Variants in ZNF804B observed in about 807,000 individuals in gnomAD.
The protein encoded by ZNF804B is zinc finger 804B.
Under a neutral mutation model 101.4 loss-of-function variants are expected in ZNF804B, and 80 were observed. The ratio of observed to expected loss-of-function variants is 0.79; its 90% confidence interval spans 0.66 to 0.95. The LOEUF is 0.95. ZNF804B is among the 40% of genes least tolerant of loss of function. ZNF804B has a pLI of 0.00. For synonymous variants in ZNF804B, 622 were observed against 558.8 expected (o/e 1.11, Z -1.59); for missense variants, 1,673 against 1,561.9 (o/e 1.07, Z -1.20).
chr7:89,190,062 C>T (rs76253415), intron 1 of ZNF804B, among the ~76,000 whole-genome samples: 2,241 of 152,068 alleles, frequency 0.015, 57 homozygotes, highest in African/African-American at 0.051. Flanking sequence ...TTGTTTCCAG[C>T]CCTCATAAAC....
chr7:88,899,041 A>G (rs1792350427), intron 1 of ZNF804B, among the ~76,000 whole-genome samples: 1 of 152,022 alleles, frequency 6.6e-6, no homozygotes, highest in Admixed American at 6.6e-5. Context: ...CCCATCCCCA[A>G]TTTTTGGTGA....
chr7:89,002,025 G>T (rs1490435861), intron 1 of ZNF804B, among the ~76,000 whole-genome samples: 1 of 151,234 alleles, frequency 6.6e-6, no homozygotes, highest in African/African-American at 2.4e-5. Context: ...AATCATAAAT[G>T]CCCAACTCAT....
intron 2 of ZNF804B, among the ~76,000 whole-genome samples, chr7:89,273,699 T>C (rs186181428): frequency 3.2e-3 from 488 of 152,264 alleles, no homozygotes; most frequent in Non-Finnish European, 5.2e-3. Flanking sequence ...TATTAAGAGC[T>C]CAAATACTTA....
intron 1 of ZNF804B, among the ~76,000 whole-genome samples, chr7:88,893,174 T>G (rs950676299): frequency 1.5e-4 from 23 of 152,134 alleles, no homozygotes; most frequent in Admixed American, 3.9e-4. Context: ...AATGCCACTT[T>G]CAGCATTTGA....
intron 1 of ZNF804B, among the ~76,000 whole-genome samples, chr7:88,898,650 T>C (rs1364197707): frequency 2.6e-5 from 4 of 152,146 alleles, no homozygotes; most frequent in Non-Finnish European, 5.9e-5. Context: ...TTTCAACATC[T>C]CAGTCTTTAC....
At chr7:88,965,704 T>G (rs1793443940) in intron 1 of ZNF804B, among the ~76,000 whole-genome samples, 2 of 151,502 alleles carry the variant, frequency 1.3e-5, no homozygotes, top group Non-Finnish European at 3.0e-5. Context: ...TACAAGCCAT[T>G]GTGAATCACT....
At chr7:89,139,104 G>A (rs1296734275) in intron 1 of ZNF804B, among the ~76,000 whole-genome samples, 1 of 152,076 alleles carries the variant, frequency 6.6e-6, no homozygotes, top group Admixed American at 6.6e-5. Flanking sequence ...TTGCAATACA[G>A]TGAGTCAAGG....
At position 89,335,886 on chromosome 7, in the gene ZNF804B, A is replaced by G. The variant is rs1791075294; in HGVS notation, c.2904A>G (p.Ala968=). The change falls in exon 4 of 4, where the codon GCA becomes GCG. Residue 968 remains alanine (A), a synonymous_variant. Transcript: ENST00000333190. ...PSQVPCTIQL[A]PSGCNRQALP... is the part of the protein sequence containing the mutation. Reference sequence around the variant, plus strand: ...AAGTCCCATGCACAATTCAACTTGCACCATCAGGCTGTAACAGACAAGCAT... The same window carrying G: ...AAGTCCCATGCACAATTCAACTTGCGCCATCAGGCTGTAACAGACAAGCAT... 6.2e-7 allele frequency: 1 copy of G among 1,614,128 alleles called. No individual in the cohort carries two copies. The highest frequency in any genetic ancestry group is 8.5e-7 in the Non-Finnish European group (1 of 1,179,986).
intron 1 of ZNF804B, among the ~76,000 whole-genome samples, chr7:89,095,303 C>T (rs1204266532): frequency 6.6e-6 from 1 of 152,172 alleles, no homozygotes; most frequent in African/African-American, 2.4e-5. Flanking sequence ...GCAGCCCTTG[C>T]CAGACACACA....
intron 1 of ZNF804B, among the ~76,000 whole-genome samples, chr7:89,127,741 A>G (rs1790494736): frequency 6.6e-6 from 1 of 151,606 alleles, no homozygotes; most frequent in Non-Finnish European, 1.5e-5. Flanking sequence ...TAATATATTT[A>G]ATATTTTTCA....
intron 1 of ZNF804B, among the ~76,000 whole-genome samples, chr7:88,888,399 T>C (rs774991193): frequency 1.3e-5 from 2 of 152,008 alleles, no homozygotes; most frequent in Non-Finnish European, 2.9e-5. Flanking sequence ...CTCAAAAATA[T>C]ATATATATTA....
chr7:89,173,266 C>T (rs1791266321), intron 1 of ZNF804B, among the ~76,000 whole-genome samples: 1 of 151,888 alleles, frequency 6.6e-6, no homozygotes, highest in Non-Finnish European at 1.5e-5. Flanking sequence ...TTCCTCTCTT[C>T]TCTGTATTTA....
intron 1 of ZNF804B, among the ~76,000 whole-genome samples, chr7:89,122,572 C>A (rs753937108): frequency 2.6e-5 from 4 of 152,114 alleles, no homozygotes; most frequent in Non-Finnish European, 5.9e-5. Context: ...ACCACCTTGT[C>A]CTGCGGTTGC....
chr7:89,235,850 A>G (rs868187468), intron 2 of ZNF804B, among the ~76,000 whole-genome samples: 3 of 152,126 alleles, frequency 2.0e-5, no homozygotes, highest in Non-Finnish European at 4.4e-5. Flanking sequence ...TGTACTCAGA[A>G]CAAATATTTA....
intron 1 of ZNF804B, among the ~76,000 whole-genome samples, chr7:89,079,689 C>A (rs1488400648): frequency 6.6e-6 from 1 of 151,918 alleles, no homozygotes; most frequent in Admixed American, 6.6e-5. Flanking sequence ...ACATAGGAGA[C>A]AAGAACTAAT....
At chr7:88,856,924 T>C (rs982350776) in intron 1 of ZNF804B, among the ~76,000 whole-genome samples, 12 of 152,202 alleles carry the variant, frequency 7.9e-5, no homozygotes, top group Non-Finnish European at 1.3e-4. Context: ...GATTTGTGTA[T>C]GTTGAACCAG....
At chr7:89,241,228 C>T (rs1162170924) in intron 2 of ZNF804B, among the ~76,000 whole-genome samples, 1 of 152,090 alleles carries the variant, frequency 6.6e-6, no homozygotes, top group Non-Finnish European at 1.5e-5. Flanking sequence ...TATAAACATT[C>T]CATTCCCTTT....
chr7:88,829,253 A>G (rs997780659), intron 1 of ZNF804B, among the ~76,000 whole-genome samples: 1 of 151,968 alleles, frequency 6.6e-6, no homozygotes, highest in African/African-American at 2.4e-5. Context: ...CCTGCACCTG[A>G]ACATTTTTAA....
chr7:89,078,933 C>A (rs1789654463), intron 1 of ZNF804B, among the ~76,000 whole-genome samples: 1 of 151,910 alleles, frequency 6.6e-6, no homozygotes, highest in Non-Finnish European at 1.5e-5. Flanking sequence ...GAGTATGGGG[C>A]CAATTGTTTA....
Sources: gnomAD v4.1 joint callset for allele counts (sites outside exome capture counted in the v4.1 genomes callset) on GRCh38, gnomAD v4.1.1 for gene constraint, MANE v1.5 for transcripts, NCBI Gene and HGNC (gene_info 2026-07-23, HGNC 2026-07-21) for gene names.